Variants in LDAH observed in about 807,000 individuals in gnomAD.
LDAH encodes lipid droplet-associated hydrolase.
In LDAH, 26 loss-of-function variants were observed where a neutral mutation model predicts 29.6. The observed-to-expected ratio is 0.88, with a 90% CI of 0.64 to 1.22. The LOEUF (loss-of-function observed/expected upper bound fraction) is 1.22. LDAH is among the 50% of genes most tolerant of loss of function. LDAH has a pLI of 0.00. For synonymous variants in LDAH, 117 were observed against 133.0 expected, an observed-to-expected ratio of 0.88 and a Z score of 0.83; for missense variants, 344 against 387.3, an observed-to-expected ratio of 0.89 and a Z score of 0.94.
At chr2:20,707,257 C>T (rs1332546503) in intron 5 of LDAH, among the ~76,000 whole-genome samples, 2 of 152,312 alleles carry the variant, frequency 1.3e-5, no homozygotes, top group South Asian at 2.1e-4. Flanking sequence ...TAAACCTGCT[C>T]AGCTGCCTAA....
intron 5 of LDAH, among the ~76,000 whole-genome samples, chr2:20,737,895 G>T (rs1666901509): frequency 6.6e-6 from 1 of 152,096 alleles, no homozygotes; most frequent in Non-Finnish European, 1.5e-5. Flanking sequence ...TCAGACTTGG[G>T]AGTGTCCAGA....
At chr2:20,711,082 T>C (rs911735532) in intron 5 of LDAH, among the ~76,000 whole-genome samples, 3 of 152,014 alleles carry the variant, frequency 2.0e-5, no homozygotes, top group Middle Eastern at 3.2e-3. Context: ...GGAACTCACA[T>C]GGAAAGGACC....
intron 5 of LDAH, among the ~76,000 whole-genome samples, chr2:20,712,202 T>A (rs1327265298): frequency 1.3e-5 from 2 of 152,128 alleles, no homozygotes; most frequent in Non-Finnish European, 2.9e-5. Flanking sequence ...GGCAGCAATA[T>A]TTGCTGTTCT....
At chr2:20,682,931 G>A (rs1662357138), downstream of LDAH, among the ~76,000 whole-genome samples, 1 of 152,208 alleles carries the variant, frequency 6.6e-6, no homozygotes, top group African/African-American at 2.4e-5. Context: ...AGGTGCTGGG[G>A]TGAGCAGCAT....
At chr2:20,730,051 G>C (rs542909290) in intron 5 of LDAH, among the ~76,000 whole-genome samples, 1 of 152,236 alleles carries the variant, frequency 6.6e-6, no homozygotes, top group African/African-American at 2.4e-5. Flanking sequence ...TATATAAATG[G>C]AATCACGCAG....
chr2:20,753,158 T>A (rs892167935), intron 4 of LDAH, among the ~76,000 whole-genome samples: 4 of 152,258 alleles, frequency 2.6e-5, no homozygotes, highest in Admixed American at 2.6e-4. Flanking sequence ...CATGCCACTG[T>A]CTGCTACTTC....
chr2:20,765,430 C>G (rs893575143), intron 4 of LDAH, among the ~76,000 whole-genome samples: 1 of 152,216 alleles, frequency 6.6e-6, no homozygotes, highest in Non-Finnish European at 1.5e-5. Flanking sequence ...ACCTTTTACT[C>G]TAGAAGCCTG....
At chr2:20,687,547 T>C (rs1413690592) in intron 6 of LDAH, among the ~76,000 whole-genome samples, 1 of 152,252 alleles carries the variant, frequency 6.6e-6, no homozygotes, top group African/African-American at 2.4e-5. Context: ...ACAGATCAGA[T>C]AGACTCAGGC....
At chr2:20,765,632 T>G (rs1486180611) in intron 4 of LDAH, among the ~76,000 whole-genome samples, 1 of 152,164 alleles carries the variant, frequency 6.6e-6, no homozygotes, top group Non-Finnish European at 1.5e-5. Context: ...CTGGGGTCAC[T>G]CATTGGGCTG....
chr2:20,774,827 G>C lies in LDAH; in HGVS notation c.451C>G (p.Arg151Gly), dbSNP rs185638978. Residue 151 changes from arginine (R) to glycine (G), a missense_variant, in exon 4 of 7, where the codon CGA (arginine) becomes GGA (glycine). By Grantham distance (125) the Arg-to-Gly change is moderately radical. Transcript: ENST00000237822. ...CTACTTACCGGGAGCTCAGGGACTC[G>C]CTTCAGCATCTGAAGTGTGAAATAG... ...GSYFTLQMLK[R>G]VPELPVIRAF... 4.8e-5 allele frequency: 77 copies of C among 1,612,976 alleles called. No individual in the cohort carries two copies. In the East Asian group the frequency reaches 1.6e-3, roughly 35 times the overall value.
At chr2:20,792,711 G>T (rs1671056483) in intron 2 of LDAH, among the ~76,000 whole-genome samples, 1 of 152,062 alleles carries the variant, frequency 6.6e-6, no homozygotes, top group African/African-American at 2.4e-5. Context: ...ACATTAAGGA[G>T]ACACTAAAGA....
intron 3 of LDAH, among the ~76,000 whole-genome samples, chr2:20,783,826 C>T (rs1372339682): frequency 1.3e-5 from 2 of 152,182 alleles, no homozygotes; most frequent in African/African-American, 4.8e-5. Flanking sequence ...ATCTGCCCAC[C>T]TCAGCCTCCT....
intron 1 of LDAH, among the ~76,000 whole-genome samples, chr2:20,822,392 C>T (rs1673385758): frequency 6.6e-6 from 1 of 152,138 alleles, no homozygotes; most frequent in Non-Finnish European, 1.5e-5. Context: ...ATCCGCCCGC[C>T]TCGGGGTCCC....
intron 6 of LDAH, among the ~76,000 whole-genome samples, chr2:20,695,417 C>T (rs2149340732): frequency 6.6e-6 from 1 of 151,474 alleles, no homozygotes; most frequent in Middle Eastern, 3.5e-3. Context: ...GTAATAAAAA[C>T]ATTTATTGAA....
At chr2:20,763,688 A>C (rs950304875) in intron 4 of LDAH, among the ~76,000 whole-genome samples, 1 of 152,230 alleles carries the variant, frequency 6.6e-6, no homozygotes, top group Non-Finnish European at 1.5e-5. Flanking sequence ...CATTTTAAAC[A>C]CATCTCACTA....
chr2:20,730,857 G>C (rs1392181260), intron 5 of LDAH, among the ~76,000 whole-genome samples: 2 of 152,154 alleles, frequency 1.3e-5, no homozygotes, highest in East Asian at 1.9e-4. Context: ...GGGCACACTT[G>C]TGTGGGTCTA....
At position 20,687,097 on chromosome 2, in the gene LDAH, G is replaced by A; in HGVS notation, c.787-3C>T. 6.3e-7 allele frequency: 1 copy of A among 1,599,644 alleles called. No homozygotes were observed. Among genetic ancestry groups the A allele is most frequent in the Non-Finnish European group, 8.5e-7 (1 of 1,173,536 alleles). On this transcript the variant is annotated splice_polypyrimidine_tract_variant and splice_region_variant and intron_variant, in intron 6 of 6. Coordinates refer to ENST00000237822, the MANE Select transcript of LDAH (RefSeq NM_021925.4). The stretch of plus-strand genomic sequence containing the variant: ...ATAGTACCATAATAAAATGTAAGCT[G>A]AAAGACAAGACAAAAACCTTTTATT...
At chr2:20,810,327 C>A (rs1672381905) in intron 1 of LDAH, among the ~76,000 whole-genome samples, 1 of 152,178 alleles carries the variant, frequency 6.6e-6, no homozygotes, top group Non-Finnish European at 1.5e-5. Context: ...AAAATGGTGG[C>A]TTGGTTCCAA....
chr2:20,692,047 TGGA>T (rs745673962), intron 6 of LDAH, among the ~76,000 whole-genome samples: 2 of 152,184 alleles, frequency 1.3e-5, no homozygotes, highest in Non-Finnish European at 2.9e-5. Context: ...ACAGCACTGT[TGGA>T]CAGTGAATTG....
Sources: gnomAD v4.1 joint callset for allele counts (sites outside exome capture counted in the v4.1 genomes callset) on GRCh38, gnomAD v4.1.1 for gene constraint, MANE v1.5 for transcripts, NCBI Gene and HGNC (gene_info 2026-07-23, HGNC 2026-07-21) for gene names.